The following TMEM87B variants were observed in gnomAD, a reference collection of about 807,000 sequenced individuals.
TMEM87B encodes the protein transmembrane protein 87B.
A neutral mutation model predicts 80.3 loss-of-function variants in TMEM87B; 83 were observed. That is an observed-to-expected ratio of 1.03 (90% CI 0.87 to 1.24). TMEM87B has a LOEUF of 1.24. Ranked by LOEUF, TMEM87B falls within the 50% of genes most tolerant of loss-of-function variation. The pLI, the probability that TMEM87B is intolerant of heterozygous loss-of-function variation, is 0.00. For synonymous variants in TMEM87B, 219 were observed against 230.5 expected, an observed-to-expected ratio of 0.95 and a Z score of 0.45; for missense variants, 625 against 674.4, an observed-to-expected ratio of 0.93 and a Z score of 0.81.
At chr2:112,078,573 G>C (rs774931712) in intron 6 of TMEM87B, among the ~76,000 whole-genome samples, 1 of 152,156 alleles carries the variant, frequency 6.6e-6, no homozygotes, top group East Asian at 1.9e-4. Context: ...CACCACAGTG[G>C]GTATGAAGCT....
At chr2:112,104,167 T>C (rs984061412) in intron 15 of TMEM87B, among the ~76,000 whole-genome samples, 1 of 152,186 alleles carries the variant, frequency 6.6e-6, no homozygotes, top group African/African-American at 2.4e-5. Context: ...TTTAATGACG[T>C]TGGATGGGGT....
chr2:112,066,258 C>T (rs1216672273), intron 3 of TMEM87B, among the ~76,000 whole-genome samples: 1 of 152,228 alleles, frequency 6.6e-6, no homozygotes, highest in Non-Finnish European at 1.5e-5. Context: ...TATAAGGATG[C>T]ACTCTCTCTA....
At chr2:112,084,461 G>A (rs1400694370) in intron 8 of TMEM87B, among the ~76,000 whole-genome samples, 1 of 152,184 alleles carries the variant, frequency 6.6e-6, no homozygotes, top group Non-Finnish European at 1.5e-5. Context: ...TTCTGCCTTT[G>A]TGTGGCGGTC....
At chr2:112,071,964 C>G (rs180978487) in intron 4 of TMEM87B, among the ~76,000 whole-genome samples, 1 of 152,212 alleles carries the variant, frequency 6.6e-6, no homozygotes, top group East Asian at 1.9e-4. Flanking sequence ...TCCCTCAATA[C>G]CTAGTTTATT....
intron 4 of TMEM87B, among the ~76,000 whole-genome samples, chr2:112,074,026 A>G (rs1455841365): frequency 6.6e-6 from 1 of 152,164 alleles, no homozygotes; most frequent in Non-Finnish European, 1.5e-5. Context: ...CAGCAAACCA[A>G]TGAGTCTTGC....
At chr2:112,102,187 C>T (rs1045159344) in intron 15 of TMEM87B, among the ~76,000 whole-genome samples, 4 of 152,104 alleles carry the variant, frequency 2.6e-5, no homozygotes, top group East Asian at 1.9e-4. Flanking sequence ...GTCTAACAGA[C>T]GTTACAAGAA....
chr2:112,083,351 G>A (rs1024536523), intron 8 of TMEM87B, among the ~76,000 whole-genome samples: 1 of 152,142 alleles, frequency 6.6e-6, no homozygotes, highest in South Asian at 2.1e-4. Flanking sequence ...GACCGCTGCT[G>A]TTTTCTGTGG....
intron 4 of TMEM87B, among the ~76,000 whole-genome samples, chr2:112,072,108 T>C (rs1229614737): frequency 6.6e-6 from 1 of 152,218 alleles, no homozygotes; most frequent in Non-Finnish European, 1.5e-5. Flanking sequence ...GTGTTGAGCC[T>C]ACCTTGCATC....
intron 5 of TMEM87B, among the ~76,000 whole-genome samples, chr2:112,075,670 A>G (rs1678792168): frequency 6.6e-6 from 1 of 152,174 alleles, no homozygotes; most frequent in Non-Finnish European, 1.5e-5. Flanking sequence ...AGACTGAGTA[A>G]GAGGTCGAAA....
At chr2:112,115,721 GGAAGTT>G (rs1414856103) in intron 18 of TMEM87B, among the ~76,000 whole-genome samples, 1 of 152,208 alleles carries the variant, frequency 6.6e-6, no homozygotes, top group Non-Finnish European at 1.5e-5. Context: ...CTAGCTAGCA[GGAAGTT>G]GAAGTTTTCT....
intron 17 of TMEM87B, among the ~76,000 whole-genome samples, chr2:112,111,210 G>A (rs1679909521): frequency 6.6e-6 from 1 of 152,072 alleles, no homozygotes; most frequent in Non-Finnish European, 1.5e-5. Context: ...ATGGTTTTTT[G>A]AGCAAGACTA....
At chr2:112,082,280 C>G (rs943553404) in intron 8 of TMEM87B, among the ~76,000 whole-genome samples, 2 of 152,162 alleles carry the variant, frequency 1.3e-5, no homozygotes, top group African/African-American at 4.8e-5. Flanking sequence ...GATTGATTGA[C>G]AAGGTCTTGA....
At chr2:112,076,452 G>A (rs1024356499) in intron 5 of TMEM87B, among the ~76,000 whole-genome samples, 11 of 151,978 alleles carry the variant, frequency 7.2e-5, no homozygotes, top group Non-Finnish European at 1.6e-4. Flanking sequence ...CGATTCTTCT[G>A]TCTCAGCCTC....
rs1046501564 is a variant in TMEM87B, at chr2:112,116,991, T to C, written c.*848T>C. 1 of 152,554 alleles carries C rather than the reference T, an allele frequency of 6.6e-6. No individual in the cohort carries two copies. Among genetic ancestry groups the C allele is most frequent in the Non-Finnish European group, 1.5e-5 (1 of 68,032 alleles). 9.5% of individuals were successfully genotyped at this position (152,554 alleles called of 1,614,324 possible). ...GTGAACTTTGTGGAAATTAGAACTG[T>C]ATCTTTTACATAATCTTGGCATATT... is the stretch of plus-strand genomic sequence containing the variant. On this transcript the variant is annotated 3_prime_UTR_variant, in exon 19 of 19. Coordinates refer to ENST00000283206, the MANE Select transcript of TMEM87B (RefSeq NM_032824.3).
Position 112,116,291 on chromosome 2 carries a change from G to T in TMEM87B, c.*148G>T. 1.6e-6 allele frequency: 1 copy of T among 640,080 alleles called. No individual in the cohort carries two copies. The highest frequency in any genetic ancestry group is 2.6e-6 in the Non-Finnish European group (1 of 379,376). The allele number at this position is 640,080 out of a possible 1,614,324, so 39.7% of individuals were successfully genotyped here. On this transcript the variant is annotated 3_prime_UTR_variant, in exon 19 of 19. Transcript: ENST00000283206. ...AAAATGAAGAATTCAGATGGTAGGA[G>T]GTTCTATAGTCCTTTTAAAGCTGAC...
intron 8 of TMEM87B, among the ~76,000 whole-genome samples, chr2:112,084,296 C>G (rs1056528963): frequency 3.3e-5 from 5 of 152,202 alleles, no homozygotes; most frequent in Non-Finnish European, 7.3e-5. Context: ...TGCACTCTTT[C>G]GGAGAGCTCA....
At chr2:112,077,730 T>G (rs1346068777) in intron 6 of TMEM87B, among the ~76,000 whole-genome samples, 1 of 152,236 alleles carries the variant, frequency 6.6e-6, no homozygotes, top group Non-Finnish European at 1.5e-5. Flanking sequence ...AAGCAGCATA[T>G]CTGCCAGCAT....
At chr2:112,060,412 T>TA (rs1396417713) in intron 2 of TMEM87B, among the ~76,000 whole-genome samples, 1 of 152,118 alleles carries the variant, frequency 6.6e-6, no homozygotes, top group Non-Finnish European at 1.5e-5. Flanking sequence ...TATAAACAAA[T>TA]ACATTCATGT....
chr2:112,088,976 G>C (rs1020137951), intron 9 of TMEM87B, among the ~76,000 whole-genome samples: 1 of 152,088 alleles, frequency 6.6e-6, no homozygotes, highest in African/African-American at 2.4e-5. Flanking sequence ...GGCCAGTTTG[G>C]TCTCGAACTC....
Sources: gnomAD v4.1 joint callset for allele counts (sites outside exome capture counted in the v4.1 genomes callset) on GRCh38, gnomAD v4.1.1 for gene constraint, MANE v1.5 for transcripts, NCBI Gene and HGNC (gene_info 2026-07-23, HGNC 2026-07-21) for gene names.